DEPDC5: variants seen among roughly 807,000 people sequenced by gnomAD.
The protein encoded by DEPDC5 is DEP domain containing 5, GATOR1 subcomplex subunit.
A neutral mutation model predicts 217.3 loss-of-function variants in DEPDC5; 73 were observed. The ratio of observed to expected loss-of-function variants is 0.34; its 90% CI spans 0.28 to 0.41. The LOEUF is 0.41. Ranked by LOEUF, DEPDC5 falls within the 10% of genes least tolerant of loss-of-function variation. The pLI is 1.00. For synonymous variants in DEPDC5, 733 were observed against 756.7 expected, an observed-to-expected ratio of 0.97 and a Z score of 0.51; for missense variants, 1,675 against 2,070.1, an observed-to-expected ratio of 0.81 and a Z score of 3.70.
At chr22:31,884,835 C>T (rs2093267114) in intron 38 of DEPDC5, among the ~76,000 whole-genome samples, 1 of 152,224 alleles carries the variant, frequency 6.6e-6, no homozygotes, top group Non-Finnish European at 1.5e-5. Flanking sequence ...CCCCGCAACA[C>T]CTTCGTCTTG....
intron 13 of DEPDC5, 89 bp downstream of exon 13, chr22:31,797,792 C>T (rs2086418713): frequency 5.1e-6 from 5 of 988,334 alleles, no homozygotes; most frequent in African/African-American, 1.6e-5. Flanking sequence ...GCTTGTTTCT[C>T]TCCCATTGCC....
At chr22:31,814,893 G>A (rs2088888999) in intron 20 of DEPDC5, 99 bp from the exon 21 acceptor site, 1 of 1,307,404 alleles carries the variant, frequency 7.6e-7, no homozygotes, top group African/African-American at 1.5e-5. Context: ...TTTTGTTATT[G>A]GGTTCCATGT....
At chr22:31,899,672 A>G (rs1351457075) in intron 40 of DEPDC5, among the ~76,000 whole-genome samples, 1 of 152,154 alleles carries the variant, frequency 6.6e-6, no homozygotes, top group Non-Finnish European at 1.5e-5. Flanking sequence ...GATTACAGGC[A>G]TGAGCCACTG....
rs1338318731 is a variant in DEPDC5, at chr22:31,804,932, T to C, written c.1217+17T>C. 1 of 1,609,300 alleles carries C rather than the reference T, an allele frequency of 6.2e-7. No individual in the cohort carries two copies. Among genetic ancestry groups the C allele is most frequent in the Non-Finnish European group, 8.5e-7 (1 of 1,176,784 alleles). ...AAACCACAGGTGGGTGCGATCTCGA[T>C]CAATAGTAGGTGATAAGCGTTTTGA... On this transcript the variant is annotated intron_variant, in intron 17 of 42. Coordinates refer to ENST00000651528, the MANE Select transcript of DEPDC5 (RefSeq NM_001242896.3).
At chr22:31,804,288 C>G in intron 16 of DEPDC5, 65 bp downstream of exon 16, 1 of 1,522,320 alleles carries the variant, frequency 6.6e-7, no homozygotes, top group African/African-American at 1.4e-5. Flanking sequence ...AGAAAAATTC[C>G]AGGCGCTGTG....
chr22:31,795,126 A>G (rs1216371309), intron 12 of DEPDC5, among the ~76,000 whole-genome samples: 2 of 135,786 alleles, frequency 1.5e-5, no homozygotes, highest in African/African-American at 5.7e-5. Context: ...GCTGGAGTGC[A>G]CTAGCGTGAT....
intron 34 of DEPDC5, 116 bp from the exon 35 acceptor site, chr22:31,873,139 G>C: frequency 6.4e-7 from 1 of 1,573,428 alleles, no homozygotes; most frequent in South Asian, 1.1e-5. Flanking sequence ...AATGCCTTTA[G>C]TGTCAACATT....
At chr22:31,851,503 A>T (rs750255342) in intron 31 of DEPDC5, among the ~76,000 whole-genome samples, 9 of 152,216 alleles carry the variant, frequency 5.9e-5, no homozygotes, top group Non-Finnish European at 1.3e-4. Context: ...GCCTACGTCC[A>T]TCAGAGCACT....
At chr22:31,770,672 G>A (rs1189338505) in intron 7 of DEPDC5, among the ~76,000 whole-genome samples, 1 of 151,132 alleles carries the variant, frequency 6.6e-6, no homozygotes, top group Admixed American at 6.6e-5. Context: ...GATTACAGGT[G>A]TGAGCTACCT....
chr22:31,771,314 A>G (rs1569514257), intron 7 of DEPDC5, among the ~76,000 whole-genome samples: 1 of 152,294 alleles, frequency 6.6e-6, no homozygotes. Context: ...CAAAAAGGGT[A>G]TTTTGAAACT....
At chr22:31,834,196 T>G in intron 25 of DEPDC5, 1 of 585,500 alleles carries the variant, frequency 1.7e-6, no homozygotes. Context: ...GGAAGGTGAT[T>G]CAGGGGCACC....
chr22:31,813,308 T>C (rs1568987143), intron 20 of DEPDC5, among the ~76,000 whole-genome samples: 2 of 152,226 alleles, frequency 1.3e-5, no homozygotes, highest in African/African-American at 4.8e-5. Flanking sequence ...AGATTGATTT[T>C]CTTTTTCTAA....
At chr22:31,874,171 TTAAA>T in intron 35 of DEPDC5, 98 bp from the exon 36 acceptor site, 2 of 1,483,326 alleles carry the variant, frequency 1.3e-6, no homozygotes, top group Non-Finnish European at 1.8e-6. Context: ...CTTTATGGTA[TTAAA>T]TGCTCTAGTG....
intron 32 of DEPDC5, 76 bp downstream of exon 32, chr22:31,857,629 T>G (rs1244564355): frequency 1.6e-6 from 2 of 1,267,310 alleles, no homozygotes; most frequent in African/African-American, 3.0e-5. Context: ...CAGATCGCCC[T>G]TCAGATCCGG....
rs1395076142 is a variant in DEPDC5 at position 31,766,607 on chromosome 22, A to T, written c.302A>T (p.Glu101Val). The T allele has an allele frequency of 3.7e-6, 6 of 1,613,852 alleles. No individual in the cohort carries two copies. The highest frequency in any genetic ancestry group is 5.1e-6 in the Non-Finnish European group (6 of 1,179,970). The change falls in exon 6 of 43, where the codon GAA (glutamate) becomes GTA (valine). Residue 101 changes from glutamate to valine, a missense_variant. Coordinates refer to ENST00000651528, the MANE Select transcript of DEPDC5 (RefSeq NM_001242896.3). ...TAGGATGTGACCCTTGACCTAGTGGAATTAACTTTTAAGGATCAGTATATT... is the reference window on the plus strand; with the variant it reads ...TAGGATGTGACCCTTGACCTAGTGGTATTAACTTTTAAGGATCAGTATATT... ...DPKDVTLDLV[E>V]LTFKDQYIGR...
At chr22:31,760,982 G>GTTT (rs201553511) in intron 4 of DEPDC5, among the ~76,000 whole-genome samples, 2 of 139,154 alleles carry the variant, frequency 1.4e-5, no homozygotes, top group Non-Finnish European at 1.6e-5. Context: ...TCTTAACATT[G>GTTT]TTTTTTTTTT....
chr22:31,846,395 C>T (rs1279242443), intron 30 of DEPDC5, among the ~76,000 whole-genome samples: 1 of 152,138 alleles, frequency 6.6e-6, no homozygotes, highest in African/African-American at 2.4e-5. Flanking sequence ...TCCTCTCACA[C>T]CAGCTGCCTT....
chr22:31,867,381 A>T (rs2092716901), intron 33 of DEPDC5, among the ~76,000 whole-genome samples: 1 of 152,240 alleles, frequency 6.6e-6, no homozygotes, highest in Non-Finnish European at 1.5e-5. Flanking sequence ...GTAGCCAAAG[A>T]AAAGTGGGAA....
At chr22:31,804,325 G>T in intron 16 of DEPDC5, 102 bp downstream of exon 16, 1 of 1,149,114 alleles carries the variant, frequency 8.7e-7, no homozygotes. Flanking sequence ...CCACTTACTC[G>T]AGAGGCTGAA....
Sources: gnomAD v4.1 joint callset for allele counts (sites outside exome capture counted in the v4.1 genomes callset) on GRCh38, gnomAD v4.1.1 for gene constraint, MANE v1.5 for transcripts, NCBI Gene and HGNC (gene_info 2026-07-23, HGNC 2026-07-21) for gene names.